The following SGSM1 variants were observed in gnomAD, a reference collection of about 807,000 sequenced individuals.
SGSM1 encodes RUN and TBC1 domain containing 2.
In SGSM1, 73 loss-of-function variants were observed where a neutral mutation model predicts 133.8. That is an observed-to-expected ratio of 0.55 (90% CI 0.45 to 0.66). The LOEUF (loss-of-function observed/expected upper bound fraction) is 0.66. SGSM1 is among the 30% of genes least tolerant of loss of function. The probability of loss-of-function intolerance (pLI) is 0.00; values close to 1 mark genes in which losing one functional copy is unlikely to be tolerated. For missense variants in SGSM1, 1,213 were observed against 1,448.1 expected, an observed-to-expected ratio of 0.84 and a Z score of 2.64; for synonymous variants, 563 against 573.0, an observed-to-expected ratio of 0.98 and a Z score of 0.25.
chr22:24,902,024 G>A, intron 20 of SGSM1, 67 bp downstream of exon 20: 1 of 1,452,882 alleles, frequency 6.9e-7, no homozygotes, highest in Admixed American at 2.0e-5. Context: ...GGGATGTAGG[G>A]GGCCCGCCTA....
rs1334774181 is a variant in SGSM1, at chr22:24,839,875, T to C, written c.64-5022T>C. Among the ~76,000 whole-genome samples the C allele has an allele frequency of 4.6e-5, 7 of 151,990 alleles. No homozygotes were observed. In the East Asian group the frequency reaches 1.2e-3, roughly 25 times the overall value. On this transcript the variant is annotated intron_variant, in intron 2 of 24. Coordinates refer to ENST00000400358, the MANE Select transcript of SGSM1 (RefSeq NM_001098497.3). The stretch of plus-strand genomic sequence containing the variant: ...TAATTTTGAGAATTCTTTTTTTTCT[T>C]AGTCAATCTTGCTAATGGTTTGTCA...
intron 18 of SGSM1, among the ~76,000 whole-genome samples, chr22:24,896,738 A>G (rs1932925028): frequency 6.6e-6 from 1 of 151,716 alleles, no homozygotes; most frequent in South Asian, 2.1e-4. Context: ...GCACTCTGGG[A>G]GGCCGAGGCA....
intron 2 of SGSM1, among the ~76,000 whole-genome samples, chr22:24,812,156 C>CAA (rs1173259968): frequency 7.3e-6 from 1 of 137,642 alleles, no homozygotes; most frequent in Non-Finnish European, 1.5e-5. Context: ...GGTGACAAAG[C>CAA]AAGACTCCGT....
At chr22:24,870,480 G>A (rs992126324) in intron 12 of SGSM1, among the ~76,000 whole-genome samples, 3 of 152,260 alleles carry the variant, frequency 2.0e-5, no homozygotes, top group Non-Finnish European at 2.9e-5. Context: ...CCCGCTGGGA[G>A]CTAGGCAGAG....
chr22:24,809,611 A>G (rs1041319627), intron 2 of SGSM1, among the ~76,000 whole-genome samples: 2 of 152,192 alleles, frequency 1.3e-5, no homozygotes, highest in African/African-American at 4.8e-5. Context: ...TTTGGGCTCA[A>G]CTAGAGCTGG....
intron 2 of SGSM1, among the ~76,000 whole-genome samples, chr22:24,831,424 G>C (rs756792782): frequency 6.6e-6 from 1 of 152,110 alleles, no homozygotes; most frequent in Non-Finnish European, 1.5e-5. Context: ...GCACCTCCCG[G>C]GAAGGAGCAA....
chr22:24,832,479 A>C (rs1169750536), intron 2 of SGSM1, among the ~76,000 whole-genome samples: 1 of 152,160 alleles, frequency 6.6e-6, no homozygotes. Context: ...TCTTTCCTTA[A>C]TCTTTCTGCC....
In SGSM1 at chr22:24,898,127, G is replaced by A. The variant is rs1268897604; in HGVS notation, c.2178G>A (p.Glu726=). 1 of 1,613,880 alleles carries A rather than the reference G, an allele frequency of 6.2e-7. No individual in the cohort carries two copies. Among genetic ancestry groups the A allele is most frequent in the African/African-American group, 1.3e-5 (1 of 74,922 alleles). ...SSHNFSSGLS[E]HSEPSLSTED... is the part of the protein sequence containing the mutation. ...ATAACTTCTCCTCGGGCCTCTCAGA[G>A]CACTCAGAGCCCAGTCTGAGCACAG... The change falls in exon 19 of 25, where the codon GAG becomes GAA. Residue 726 remains glutamate (E), a synonymous_variant. Transcript: ENST00000400358.
At chr22:24,881,559 C>G (rs539262416) in intron 14 of SGSM1, among the ~76,000 whole-genome samples, 1 of 150,068 alleles carries the variant, frequency 6.7e-6, no homozygotes, top group African/African-American at 2.4e-5. Flanking sequence ...GAGCGAGACT[C>G]CGTCTCAAAA....
chr22:24,807,714 G>T (rs1341337859), intron 2 of SGSM1, among the ~76,000 whole-genome samples: 1 of 152,184 alleles, frequency 6.6e-6, no homozygotes, highest in Non-Finnish European at 1.5e-5. Context: ...GTGTGTGTGT[G>T]TGTACATGCG....
chr22:24,917,716 A>G lies in SGSM1; in HGVS notation c.2987A>G (p.Tyr996Cys). ...MHQNGDYTHF[Y>C]FCYRWFLLDF... ...CAGAACGGGGACTATACTCACTTCT[A>G]CTTCTGCTACCGCTGGTTCCTGCTG... Residue 996 changes from tyrosine to cysteine, a missense_variant, in exon 23 of 25, where the codon TAC becomes TGC. Transcript: ENST00000400358. The G allele has an allele frequency of 6.2e-7, 1 of 1,613,802 alleles. No individual in the cohort carries two copies.
chr22:24,807,467 A>AGT (rs1267019135), intron 2 of SGSM1, among the ~76,000 whole-genome samples: 1 of 151,564 alleles, frequency 6.6e-6, no homozygotes, highest in East Asian at 2.0e-4. Flanking sequence ...TGATGCTGTG[A>AGT]GTGTGTGTGT....
intron 16 of SGSM1, among the ~76,000 whole-genome samples, chr22:24,891,920 C>T (rs1044848942): frequency 1.3e-5 from 2 of 151,870 alleles, no homozygotes; most frequent in African/African-American, 2.4e-5. Flanking sequence ...TGTGTGTGTC[C>T]GAATGGGTTT....
At chr22:24,826,501 C>T (rs1928808211) in intron 2 of SGSM1, among the ~76,000 whole-genome samples, 1 of 152,212 alleles carries the variant, frequency 6.6e-6, no homozygotes, top group Non-Finnish European at 1.5e-5. Context: ...GTTAGTGTTA[C>T]TAATGTAGTC....
At chr22:24,892,584 C>T (rs536062561) in intron 16 of SGSM1, among the ~76,000 whole-genome samples, 2 of 152,124 alleles carry the variant, frequency 1.3e-5, no homozygotes, top group East Asian at 1.9e-4. Context: ...TCAGGTCATG[C>T]GTTGATTGAG....
At chr22:24,810,341 C>CT (rs78585166) in intron 2 of SGSM1, among the ~76,000 whole-genome samples, 71 of 146,588 alleles carry the variant, frequency 4.8e-4, no homozygotes, top group South Asian at 8.8e-4. Context: ...GGCAAGCATC[C>CT]TTTTTTTTTT....
rs1448182824 is a variant in SGSM1, at chr22:24,806,303, C to T, written c.-23C>T. ...CCACCGCCGCCACCGCCTCCTGGGA[C>T]TCGGAACGCAGCGCTCGGAGCCATG... On this transcript the variant is annotated 5_prime_UTR_variant, in exon 1 of 25. Coordinates refer to ENST00000400358, the MANE Select transcript of SGSM1 (RefSeq NM_001098497.3). 7.0e-7 allele frequency: 1 copy of T among 1,438,346 alleles called. No individual in the cohort carries two copies. Among genetic ancestry groups the T allele is most frequent in the Non-Finnish European group, 9.1e-7 (1 of 1,099,278 alleles). The allele number at this position is 1,438,346 out of a possible 1,614,324, so 89.1% of individuals were successfully genotyped here.
intron 6 of SGSM1, 72 bp from the exon 7 acceptor site, chr22:24,855,213 C>G (rs191345036): frequency 1.0e-5 from 16 of 1,557,274 alleles, no homozygotes; most frequent in Non-Finnish European, 1.2e-5. Context: ...GTGAGATGGG[C>G]GGCCATCTGC....
At chr22:24,866,903 T>G (rs1222747536) in intron 9 of SGSM1, among the ~76,000 whole-genome samples, 190 bp from the exon 10 acceptor site, 1 of 152,032 alleles carries the variant, frequency 6.6e-6, no homozygotes, top group Non-Finnish European at 1.5e-5. Flanking sequence ...GGAAGGATGG[T>G]AACCTCGGAA....
Sources: gnomAD v4.1 joint callset for allele counts (sites outside exome capture counted in the v4.1 genomes callset) on GRCh38, gnomAD v4.1.1 for gene constraint, MANE v1.5 for transcripts, NCBI Gene and HGNC (gene_info 2026-07-23, HGNC 2026-07-21) for gene names.